Variants in FAM241A observed in about 807,000 individuals in gnomAD.
The protein encoded by FAM241A is family with sequence similarity 241 member A, also known as uncharacterized protein FAM241A.
In FAM241A, 7 loss-of-function variants were observed where a neutral mutation model predicts 12.2. The observed-to-expected ratio is 0.58, with a 90% CI of 0.33 to 1.08. The LOEUF (loss-of-function observed/expected upper bound fraction) is 1.08. Ranked by LOEUF, FAM241A falls within the 50% of genes least tolerant of loss-of-function variation. FAM241A has a pLI of 0.04. For missense variants in FAM241A, 161 were observed against 169.7 expected (o/e 0.95, Z 0.29); for synonymous variants, 74 against 68.2 (o/e 1.08, Z -0.42).
rs568278216 is a variant in FAM241A at position 112,190,967 on chromosome 4, C to T, written c.*4029C>T. On this transcript the variant is annotated 3_prime_UTR_variant, in exon 2 of 2. Transcript: ENST00000309733. ...ATCCTAACAGCTCCCCAATTTGCAT[C>T]TCTAGATCAGAGCACTGTACAGAAT... 2.4e-4 allele frequency: 37 copies of T among 152,364 alleles called. No homozygotes were observed. Among genetic ancestry groups the T allele is most frequent in the Admixed American group, 1.1e-3 (17 of 15,290 alleles). The allele number at this position is 152,364 out of a possible 1,614,324, so 9.4% of individuals were successfully genotyped here. A position where few individuals can be genotyped will look rare whatever the true frequency, so the allele number is the denominator to read the frequency against.
At chr4:112,158,938 CTGTA>C (rs1028858704) in intron 1 of FAM241A, among the ~76,000 whole-genome samples, 1 of 152,066 alleles carries the variant, frequency 6.6e-6, no homozygotes, top group Non-Finnish European at 1.5e-5. Flanking sequence ...TTTTTTCTGA[CTGTA>C]TGATTGTGCT....
At chr4:112,168,179 G>T (rs1234847084) in intron 1 of FAM241A, among the ~76,000 whole-genome samples, 3 of 152,148 alleles carry the variant, frequency 2.0e-5, no homozygotes, top group Non-Finnish European at 2.9e-5. Flanking sequence ...ATGAAATAAG[G>T]TGACTTTATG....
At chr4:112,177,420 A>T (rs1318261490) in intron 1 of FAM241A, among the ~76,000 whole-genome samples, 5 of 152,166 alleles carry the variant, frequency 3.3e-5, no homozygotes, top group African/African-American at 1.2e-4. Flanking sequence ...CAGTATAGGG[A>T]TTAATGGTGA....
chr4:112,175,187 A>G (rs758809221), intron 1 of FAM241A, among the ~76,000 whole-genome samples: 25 of 152,292 alleles, frequency 1.6e-4, no homozygotes, highest in Middle Eastern at 6.8e-3. Context: ...AAAAAGACCA[A>G]AAGTAGATAT....
At chr4:112,149,360 C>T (rs1156391385) in intron 1 of FAM241A, among the ~76,000 whole-genome samples, 4 of 152,134 alleles carry the variant, frequency 2.6e-5, no homozygotes, top group Admixed American at 6.5e-5. Flanking sequence ...TCTTCTTTTA[C>T]AAAAGGTTGT....
intron 1 of FAM241A, chr4:112,171,166 T>G: frequency 1.9e-6 from 1 of 518,022 alleles, no homozygotes; most frequent in Non-Finnish European, 3.6e-6. Context: ...AAAACCATTT[T>G]AAAATTATTA....
rs1723337851 is a variant in FAM241A, at chr4:112,155,607, T to A, written c.153+9874T>A. Among the ~76,000 whole-genome samples the A allele has an allele frequency of 8.5e-5, 13 of 152,060 alleles. 1 individual carries two copies. In the South Asian group the frequency reaches 2.7e-3, roughly 31 times the overall value. ...ATTTTTACATTTAATTTATATCATT[T>A]TTTAACGTTTTGTAGGAAATGAAAA... is the stretch of plus-strand genomic sequence containing the variant. On this transcript the variant is annotated intron_variant, in intron 1 of 1. Coordinates refer to ENST00000309733, the MANE Select transcript of FAM241A (RefSeq NM_152400.3).
At chr4:112,166,886 G>T (rs1002888666) in intron 1 of FAM241A, among the ~76,000 whole-genome samples, 1 of 150,116 alleles carries the variant, frequency 6.7e-6, no homozygotes, top group African/African-American at 2.5e-5. Context: ...AGGCCGAGGC[G>T]GGCGGATCAC....
intron 1 of FAM241A, among the ~76,000 whole-genome samples, chr4:112,185,130 C>A (rs10212874): frequency 0.44 from 66,661 of 151,744 alleles, 15,151 homozygotes; most frequent in East Asian, 0.62. Flanking sequence ...ATACTATGAG[C>A]AAATAATTCA....
rs939627486 is a variant in FAM241A, at chr4:112,145,817, C to A, written c.153+84C>A. The A allele has an allele frequency of 8.5e-5, 72 of 849,958 alleles. No homozygotes were observed. The African/African-American group carries it at 1.3e-3, about 15-fold the overall frequency. The allele number at this position is 849,958 out of a possible 1,614,324, so 52.7% of individuals were successfully genotyped here. ...GGCGTTGGAGGGAAGGGGCCCGGCC[C>A]GCGGGCCGCGCCGCAGCTCTGCCCC... On this transcript the variant is annotated intron_variant, in intron 1 of 1. Coordinates refer to ENST00000309733, the MANE Select transcript of FAM241A (RefSeq NM_152400.3).
chr4:112,181,510 A>C (rs1723942129), intron 1 of FAM241A, among the ~76,000 whole-genome samples: 1 of 152,216 alleles, frequency 6.6e-6, no homozygotes, highest in Non-Finnish European at 1.5e-5. Context: ...GGCCAGCAAA[A>C]ATAAATACTG....
rs188981841 is a variant in FAM241A, at chr4:112,149,792, G to A, written c.153+4059G>A. 1.3e-4 allele frequency among the ~76,000 whole-genome samples: 20 copies of A among 152,118 alleles called. No homozygotes were observed. The East Asian group carries it at 1.7e-3, about 13-fold the overall frequency. Reference sequence around the variant, plus strand: ...TACTAAACCATTCATATATTTATTAGGCATTTGTATTTCTTTTTAGTCATT... The same window carrying A: ...TACTAAACCATTCATATATTTATTAAGCATTTGTATTTCTTTTTAGTCATT... On this transcript the variant is annotated intron_variant, in intron 1 of 1. Transcript: ENST00000309733.
At chr4:112,182,066 AATACTT>A (rs1723952360) in intron 1 of FAM241A, among the ~76,000 whole-genome samples, 1 of 152,186 alleles carries the variant, frequency 6.6e-6, no homozygotes, top group African/African-American at 2.4e-5. Flanking sequence ...ACTTTAAAGA[AATACTT>A]AGAAGGTAAA....
At chr4:112,176,481 G>A (rs4566719) in intron 1 of FAM241A, among the ~76,000 whole-genome samples, 146,556 of 152,298 alleles carry the variant, frequency 0.96, 70,587 homozygotes, top group East Asian at 1. Context: ...GATACATGAC[G>A]GAGCAGGATT....
At position 112,194,485 on chromosome 4, in the gene FAM241A, T is replaced by C. The variant is rs1200799013; in HGVS notation, c.*7547T>C. 9 of 151,398 alleles carry C rather than the reference T, an allele frequency of 5.9e-5. No homozygotes were observed. The highest frequency in any genetic ancestry group is 1.7e-4 in the African/African-American group (7 of 41,194). The allele number at this position is 151,398 out of a possible 1,614,324, so 9.4% of individuals were successfully genotyped here. A position where few individuals can be genotyped will look rare whatever the true frequency, so the allele number is the denominator to read the frequency against. Reference sequence around the variant, plus strand: ...ATTCAGTATGATATTGGCTGTGGGTTTGTCATAGATAGCTCTTATTATTTT... The same window carrying C: ...ATTCAGTATGATATTGGCTGTGGGTCTGTCATAGATAGCTCTTATTATTTT... On this transcript the variant is annotated 3_prime_UTR_variant, in exon 2 of 2. Coordinates refer to ENST00000309733, the MANE Select transcript of FAM241A (RefSeq NM_152400.3).
intron 1 of FAM241A, among the ~76,000 whole-genome samples, chr4:112,151,257 C>G (rs1723240165): frequency 6.6e-6 from 1 of 152,122 alleles, no homozygotes; most frequent in Non-Finnish European, 1.5e-5. Flanking sequence ...CTCTCCTTCC[C>G]TCCCTCCCTC....
chr4:112,168,227 A>G (rs1475990872), intron 1 of FAM241A, among the ~76,000 whole-genome samples: 1 of 152,258 alleles, frequency 6.6e-6, no homozygotes, highest in Non-Finnish European at 1.5e-5. Flanking sequence ...TTCACAAGAA[A>G]TGTCACAGAT....
chr4:112,187,568 A>G lies in FAM241A; in HGVS notation c.*630A>G, dbSNP rs1374610482. On this transcript the variant is annotated 3_prime_UTR_variant, in exon 2 of 2. Coordinates refer to ENST00000309733, the MANE Select transcript of FAM241A (RefSeq NM_152400.3). The stretch of plus-strand genomic sequence containing the variant: ...TTACTGGGGAAAGCTCCCAGGTTAA[A>G]TATAACTTTTTTAAAATGTAACATT... The G allele has an allele frequency of 2.0e-5, 3 of 152,600 alleles. No homozygotes were observed. The highest frequency in any genetic ancestry group is 7.2e-5 in the African/African-American group (3 of 41,454). 9.5% of individuals were successfully genotyped at this position (152,600 alleles called of 1,614,324 possible). A position where few individuals can be genotyped will look rare whatever the true frequency, so the allele number is the denominator to read the frequency against.
intron 1 of FAM241A, among the ~76,000 whole-genome samples, chr4:112,164,853 A>G (rs1294598129): frequency 6.6e-6 from 1 of 152,150 alleles, no homozygotes; most frequent in African/African-American, 2.4e-5. Flanking sequence ...GCTCACGCCT[A>G]TAATCCCAGC....
Sources: allele counts gnomAD v4.1 joint callset (sites outside exome capture counted in the v4.1 genomes callset), GRCh38; gene constraint gnomAD v4.1.1; transcripts MANE v1.5; gene names NCBI Gene and HGNC (gene_info 2026-07-23, HGNC 2026-07-21).